GNAQ: variants seen among roughly 807,000 people sequenced by gnomAD.
The protein encoded by GNAQ is G protein subunit alpha q.
GNAQ carries 8 observed loss-of-function variants against 43.9 expected under a neutral mutation model. The ratio of observed to expected loss-of-function variants is 0.18; its 90% confidence interval spans 0.11 to 0.33. The LOEUF (loss-of-function observed/expected upper bound fraction) is 0.33, where lower values mean the gene tolerates loss of function less well. Ranked by LOEUF, GNAQ falls within the 10% of genes least tolerant of loss-of-function variation. The pLI is 1.00. For missense variants in GNAQ, 158 were observed against 450.8 expected (o/e 0.35, Z 5.88); for synonymous variants, 155 against 170.7 (o/e 0.91, Z 0.71).
intron 2 of GNAQ, among the ~76,000 whole-genome samples, chr9:77,885,723 C>G (rs1338868264): frequency 6.7e-6 from 1 of 150,242 alleles, no homozygotes; most frequent in Admixed American, 6.7e-5. Context: ...TTTTGGACAA[C>G]TTACATTTCC....
At chr9:77,730,258 C>G (rs1452502574) in intron 5 of GNAQ, among the ~76,000 whole-genome samples, 3 of 152,162 alleles carry the variant, frequency 2.0e-5, no homozygotes, top group Admixed American at 6.5e-5. Flanking sequence ...CAAACTTATA[C>G]AAGGAAGTGA....
chr9:77,774,754 T>C (rs1026087373), intron 5 of GNAQ, among the ~76,000 whole-genome samples: 13 of 152,366 alleles, frequency 8.5e-5, no homozygotes, highest in African/African-American at 2.9e-4. Flanking sequence ...TGAGCCACCA[T>C]GCCCAGCTCA....
At chr9:77,730,396 T>C (rs1825469494) in intron 5 of GNAQ, among the ~76,000 whole-genome samples, 2 of 152,194 alleles carry the variant, frequency 1.3e-5, no homozygotes, top group Admixed American at 1.3e-4. Context: ...TGCATAACCC[T>C]TAACTGGTGT....
At chr9:77,899,722 A>C (rs1168135068) in intron 2 of GNAQ, among the ~76,000 whole-genome samples, 7 of 152,162 alleles carry the variant, frequency 4.6e-5, no homozygotes, top group Non-Finnish European at 1.0e-4. Flanking sequence ...CAGAGGTCAG[A>C]GGCAAAAGAC....
intron 2 of GNAQ, among the ~76,000 whole-genome samples, chr9:77,886,448 A>G (rs1341912418): frequency 6.6e-6 from 1 of 151,744 alleles, no homozygotes; most frequent in African/African-American, 2.4e-5. Context: ...TTCTCCCCAG[A>G]AAGTGGGAGC....
intron 1 of GNAQ, among the ~76,000 whole-genome samples, chr9:78,024,359 G>A (rs989068540): frequency 6.6e-6 from 1 of 152,084 alleles, no homozygotes; most frequent in African/African-American, 2.4e-5. Context: ...AGAAAGCAGG[G>A]AATTTAAATT....
At chr9:77,849,986 C>G (rs929077821) in intron 2 of GNAQ, among the ~76,000 whole-genome samples, 1 of 152,186 alleles carries the variant, frequency 6.6e-6, no homozygotes, top group Non-Finnish European at 1.5e-5. Context: ...CTGTCTAAAA[C>G]TACGTTCTTC....
chr9:78,020,009 T>C (rs1188612727), intron 1 of GNAQ, among the ~76,000 whole-genome samples: 1 of 151,666 alleles, frequency 6.6e-6, no homozygotes, highest in Non-Finnish European at 1.5e-5. Flanking sequence ...GGCTTGGATG[T>C]AATGGCCCAG....
intron 1 of GNAQ, among the ~76,000 whole-genome samples, 149 bp downstream of exon 1, chr9:78,030,943 CCCGCGCGG>C (rs979209193): frequency 6.6e-6 from 1 of 151,480 alleles, no homozygotes; most frequent in Non-Finnish European, 1.5e-5. Context: ...CGCCCGCGCG[CCCGCGCGG>C]GTGAAGGCAG....
chr9:77,823,293 G>GT (rs1438282500), intron 2 of GNAQ, among the ~76,000 whole-genome samples: 3 of 151,990 alleles, frequency 2.0e-5, no homozygotes, highest in Admixed American at 6.6e-5. Flanking sequence ...ACAAGGCCTG[G>GT]TTTTTTTGTA....
intron 5 of GNAQ, among the ~76,000 whole-genome samples, chr9:77,775,834 A>G (rs75359313): frequency 0.085 from 12,947 of 152,206 alleles, 1,179 homozygotes; most frequent in East Asian, 0.24. Context: ...CTGAGGCACA[A>G]GAATCACTTG....
At chr9:77,857,786 T>C (rs893971245) in intron 2 of GNAQ, among the ~76,000 whole-genome samples, 2 of 151,884 alleles carry the variant, frequency 1.3e-5, no homozygotes, top group South Asian at 4.2e-4. Flanking sequence ...TTATACTCTT[T>C]TTTTTTTCAA....
chr9:77,802,254 C>A (rs1826755038), intron 3 of GNAQ, among the ~76,000 whole-genome samples: 1 of 152,082 alleles, frequency 6.6e-6, no homozygotes, highest in African/African-American at 2.4e-5. Flanking sequence ...CGCATAACCC[C>A]CAATCCCATG....
chr9:77,826,227 C>A (rs1467011133), intron 2 of GNAQ, among the ~76,000 whole-genome samples: 1 of 152,046 alleles, frequency 6.6e-6, no homozygotes, highest in Non-Finnish European at 1.5e-5. Flanking sequence ...AAGAATAGAA[C>A]CTGGCCAGCT....
At chr9:77,980,010 A>G (rs1823350053) in intron 1 of GNAQ, among the ~76,000 whole-genome samples, 1 of 152,242 alleles carries the variant, frequency 6.6e-6, no homozygotes, top group African/African-American at 2.4e-5. Context: ...TAATTTATGA[A>G]AATAGACAAA....
intron 2 of GNAQ, among the ~76,000 whole-genome samples, chr9:77,820,500 A>C (rs1178727356): frequency 6.6e-6 from 1 of 152,178 alleles, no homozygotes; most frequent in Non-Finnish European, 1.5e-5. Flanking sequence ...CACTCCCATA[A>C]AACAGCCTCT....
chr9:77,881,142 A>G (rs923661948), intron 2 of GNAQ, among the ~76,000 whole-genome samples: 1 of 152,132 alleles, frequency 6.6e-6, no homozygotes, highest in African/African-American at 2.4e-5. Context: ...TTTTGTTCCC[A>G]TAATATAGAC....
intron 5 of GNAQ, among the ~76,000 whole-genome samples, chr9:77,786,386 A>G (rs1422079123): frequency 6.6e-6 from 1 of 151,948 alleles, no homozygotes; most frequent in Non-Finnish European, 1.5e-5. Context: ...GAGTTAACAA[A>G]TTAAAAAATA....
At chr9:77,922,618 T>G (rs1444445038) in intron 1 of GNAQ, among the ~76,000 whole-genome samples, 1 of 152,192 alleles carries the variant, frequency 6.6e-6, no homozygotes, top group East Asian at 1.9e-4. Context: ...GATAGTGATT[T>G]GTAACCATGT....
Sources: gnomAD v4.1 joint callset for allele counts (sites outside exome capture counted in the v4.1 genomes callset) on GRCh38, gnomAD v4.1.1 for gene constraint, MANE v1.5 for transcripts, NCBI Gene and HGNC (gene_info 2026-07-23, HGNC 2026-07-21) for gene names.